Variants in EDA observed in about 807,000 individuals in gnomAD.
The protein encoded by EDA is ectodysplasin-A.
EDA carries 2 observed loss-of-function variants against 23.6 expected under a neutral mutation model. The ratio of observed to expected loss-of-function variants is 0.08; its 90% CI spans 0.03 to 0.27. The LOEUF is 0.27. EDA is among the 10% of genes least tolerant of loss of function. The pLI, the probability that EDA is intolerant of heterozygous loss-of-function variation, is 1.00. For missense variants in EDA, 229 were observed against 324.2 expected (o/e 0.71, Z 2.26); for synonymous variants, 131 against 132.0 (o/e 0.99, Z 0.05).
At position 69,617,955 on chromosome X, in the gene EDA, T is replaced by C. The variant is rs183491066; in HGVS notation, c.396+1251T>C. The stretch of plus-strand genomic sequence containing the variant: ...AAAAAAAAAGATGTGCATTGTAAAG[T>C]TGCCCTGAGCCTTAAAATGTCTTAC... On this transcript the variant is annotated intron_variant, in intron 1 of 7. Transcript: ENST00000374552. 4.2e-3 allele frequency among the ~76,000 whole-genome samples: 462 copies of C among 110,162 alleles called. 2 individuals carry two copies. Among genetic ancestry groups the C allele is most frequent in the Admixed American group, 7.4e-3 (77 of 10,353 alleles).
chrX:69,917,432 A>G (rs2018362461), intron 1 of EDA, among the ~76,000 whole-genome samples: 1 of 112,098 alleles, frequency 8.9e-6, no homozygotes, highest in Non-Finnish European at 1.9e-5. Context: ...TGCCATTTAC[A>G]TATTTGGTCT....
At chrX:69,979,509 C>G (rs1267625245) in intron 2 of EDA, among the ~76,000 whole-genome samples, 1 of 111,865 alleles carries the variant, frequency 8.9e-6, no homozygotes, top group South Asian at 3.7e-4. Flanking sequence ...ATAATCCCAC[C>G]AGTAGCAGAT....
chrX:69,812,702 C>G (rs767885165), intron 1 of EDA, among the ~76,000 whole-genome samples: 1 of 111,544 alleles, frequency 9.0e-6, no homozygotes, highest in Non-Finnish European at 1.9e-5. Context: ...AATACCTTTA[C>G]TAGGTATTCT....
At chrX:69,794,334 G>A (rs2015491155) in intron 1 of EDA, among the ~76,000 whole-genome samples, 1 of 111,757 alleles carries the variant, frequency 8.9e-6, no homozygotes, top group Non-Finnish European at 1.9e-5. Context: ...CTTTAAGTAA[G>A]GGATATTGTG....
intron 1 of EDA, among the ~76,000 whole-genome samples, chrX:69,854,179 C>A: frequency 9.1e-6 from 1 of 110,183 alleles, no homozygotes; most frequent in South Asian, 3.9e-4. Flanking sequence ...TTCCGACAGG[C>A]CCCACTGTGG....
chrX:69,976,237 C>T (rs6625548), intron 2 of EDA, among the ~76,000 whole-genome samples: 9,935 of 111,299 alleles, frequency 0.089, 845 homozygotes, highest in East Asian at 0.61. Flanking sequence ...ATTAAGAAGA[C>T]TTTCTAGGTA....
chrX:69,826,500 T>G (rs1657969988), intron 1 of EDA, among the ~76,000 whole-genome samples: 1 of 109,842 alleles, frequency 9.1e-6, no homozygotes, highest in African/African-American at 3.3e-5. Context: ...AAGTCTGTTT[T>G]ATCAGAGACT....
At chrX:69,649,738 C>T (rs1007113090) in intron 1 of EDA, among the ~76,000 whole-genome samples, 12 of 110,459 alleles carry the variant, frequency 1.1e-4, no homozygotes, top group African/African-American at 4.0e-4. Context: ...AGGCATGCCC[C>T]ACCAAGGCTG....
intron 2 of EDA, among the ~76,000 whole-genome samples, chrX:70,010,504 A>T (rs1336586792): frequency 8.9e-6 from 1 of 111,775 alleles, no homozygotes; most frequent in African/African-American, 3.3e-5. Context: ...CTTTATATTT[A>T]AAGTGGATTT....
At chrX:69,827,157 T>C (rs1479570654) in intron 1 of EDA, among the ~76,000 whole-genome samples, 1 of 111,835 alleles carries the variant, frequency 8.9e-6, no homozygotes, top group Non-Finnish European at 1.9e-5. Context: ...TCAACTTTGG[T>C]GAATCTGACA....
chrX:69,630,843 C>T (rs1219929892), intron 1 of EDA, among the ~76,000 whole-genome samples: 2 of 111,473 alleles, frequency 1.8e-5, no homozygotes, highest in Non-Finnish European at 3.8e-5. Flanking sequence ...TTCTTTCAGC[C>T]TGGCCCTCTG....
intron 2 of EDA, among the ~76,000 whole-genome samples, chrX:70,001,552 T>A (rs2019741059): frequency 8.9e-6 from 1 of 111,796 alleles, no homozygotes. Flanking sequence ...TAAGACAGGG[T>A]AGCTCTGATG....
At chrX:70,031,017 A>G (rs1044732418) in intron 6 of EDA, among the ~76,000 whole-genome samples, 6 of 112,448 alleles carry the variant, frequency 5.3e-5, no homozygotes, top group Admixed American at 2.8e-4. Context: ...GGGGTTAAGA[A>G]ACACTGATTT....
At position 69,997,864 on chromosome X, in the gene EDA, G is replaced by GC. The variant is rs1360361562; in HGVS notation, c.503-25353dup. On this transcript the variant is annotated intron_variant, in intron 2 of 7. Transcript: ENST00000374552. ...GCAACTTCCACTTGGTTTTGAGCCT[G>GC]CAAGTGTACAGAAGTCAAGAATTGG... Among the ~76,000 whole-genome samples, 17 of 112,662 alleles carry GC rather than the reference G, an allele frequency of 1.5e-4. No individual in the cohort carries two copies. In the South Asian group the frequency reaches 4.5e-3, roughly 29 times the overall value.
chrX:69,918,358 T>TTC (rs2018376657), intron 1 of EDA, among the ~76,000 whole-genome samples: 1 of 110,301 alleles, frequency 9.1e-6, no homozygotes, highest in Admixed American at 9.7e-5. Flanking sequence ...GGTTTCGCCA[T>TTC]ATTGGCCAGG....
At chrX:69,936,782 G>A (rs752606454) in intron 1 of EDA, among the ~76,000 whole-genome samples, 4 of 111,802 alleles carry the variant, frequency 3.6e-5, no homozygotes, top group Non-Finnish European at 5.6e-5. Context: ...TACAGTCAGT[G>A]CTAGTTAATT....
chrX:69,822,857 C>T (rs992076695), intron 1 of EDA, among the ~76,000 whole-genome samples: 35 of 88,336 alleles, frequency 4.0e-4, no homozygotes, highest in African/African-American at 1.2e-3. Flanking sequence ...CTCCCCCACC[C>T]CACAACTGGC....
At chrX:69,937,820 C>T in intron 1 of EDA, 2 of 1,194,408 alleles carry the variant, frequency 1.7e-6, no homozygotes, top group Non-Finnish European at 2.3e-6. Flanking sequence ...CTACATTACA[C>T]CGCAATAGTT....
chrX:70,025,577 A>G (rs1332510662), intron 3 of EDA, among the ~76,000 whole-genome samples: 1 of 111,882 alleles, frequency 8.9e-6, no homozygotes, highest in Non-Finnish European at 1.9e-5. Context: ...GGATTTGCCC[A>G]AAGTGTGTCT....
Sources: gnomAD v4.1 joint callset for allele counts (sites outside exome capture counted in the v4.1 genomes callset) on GRCh38, gnomAD v4.1.1 for gene constraint, MANE v1.5 for transcripts, NCBI Gene and HGNC (gene_info 2026-07-23, HGNC 2026-07-21) for gene names.